The following NOVA1 variants were observed in gnomAD, a reference collection of about 807,000 sequenced individuals.
NOVA1 encodes the protein NOVA alternative splicing regulator 1, also known as RNA-binding protein Nova-1.
A neutral mutation model predicts 38.0 loss-of-function variants in NOVA1; 7 were observed. The observed-to-expected ratio is 0.18, with a 90% CI of 0.10 to 0.35. The LOEUF (loss-of-function observed/expected upper bound fraction) is 0.35, where lower values mean the gene tolerates loss of function less well. Ranked by LOEUF, NOVA1 falls within the 10% of genes least tolerant of loss-of-function variation. The pLI is 1.00. For missense variants in NOVA1, 460 were observed against 616.0 expected (o/e 0.75, Z 2.68); for synonymous variants, 270 against 232.5 (o/e 1.16, Z -1.47).
chr14:26,568,098 A>G (rs899503206), intron 2 of NOVA1, among the ~76,000 whole-genome samples: 1 of 152,316 alleles, frequency 6.6e-6, no homozygotes, highest in African/African-American at 2.4e-5. Context: ...TATTAAGATA[A>G]TAAGAGAGAT....
chr14:26,546,508 T>G (rs781179477), intron 2 of NOVA1, among the ~76,000 whole-genome samples: 2 of 152,212 alleles, frequency 1.3e-5, no homozygotes, highest in Non-Finnish European at 2.9e-5. Context: ...ACTAAAATTC[T>G]ACTTTAAAAT....
chr14:26,583,881 TCACACACA>T (rs36218600), intron 2 of NOVA1, among the ~76,000 whole-genome samples: 8,684 of 145,948 alleles, frequency 0.06, 288 homozygotes, highest in African/African-American at 0.077. Context: ...AGCATCAAAT[TCACACACA>T]CACACACACA....
chr14:26,595,601 T>C (rs1239070745), intron 1 of NOVA1, 48 bp from the exon 2 acceptor site: 2 of 1,552,314 alleles, frequency 1.3e-6, no homozygotes. Context: ...ATTTCAAACT[T>C]TGTATCCCCT....
chr14:26,516,906 CTTT>C (rs1179556122), intron 2 of NOVA1, among the ~76,000 whole-genome samples: 3 of 135,610 alleles, frequency 2.2e-5, no homozygotes, highest in Admixed American at 7.7e-5. Context: ...GACTTTGCCT[CTTT>C]TTTTTTTTTT....
At chr14:26,538,355 G>C (rs1280501086) in intron 2 of NOVA1, among the ~76,000 whole-genome samples, 1 of 152,036 alleles carries the variant, frequency 6.6e-6, no homozygotes, top group Non-Finnish European at 1.5e-5. Context: ...CAATGGCAGA[G>C]AGGTGAGAAA....
At chr14:26,460,489 A>G (rs1883565054) in intron 4 of NOVA1, among the ~76,000 whole-genome samples, 1 of 152,074 alleles carries the variant, frequency 6.6e-6, no homozygotes. Context: ...ATTTGAAGCC[A>G]GGTAATAAAA....
At position 26,512,192 on chromosome 14, in the gene NOVA1, A is replaced by G. The variant is rs1183427563; in HGVS notation, c.281-32049T>C. ...TGAAAAGCTATATATTTATTCCTGA[A>G]TTACTCAAAAATATTTAATTAAGAC... On this transcript the variant is annotated intron_variant, in intron 2 of 4. Coordinates refer to ENST00000539517, the MANE Select transcript of NOVA1 (RefSeq NM_002515.3). 2.6e-5 allele frequency among the ~76,000 whole-genome samples: 4 copies of G among 152,216 alleles called. No homozygotes were observed. The South Asian group carries it at 8.3e-4, about 31-fold the overall frequency.
intron 2 of NOVA1, among the ~76,000 whole-genome samples, chr14:26,525,456 G>A (rs1889229473): frequency 6.6e-6 from 1 of 152,090 alleles, no homozygotes; most frequent in Non-Finnish European, 1.5e-5. Context: ...AAGAACCTGT[G>A]ACAGTCTTAG....
intron 2 of NOVA1, chr14:26,592,864 G>C (rs1342780120): frequency 2.0e-5 from 3 of 151,558 alleles, no homozygotes; most frequent in Non-Finnish European, 4.4e-5. Flanking sequence ...CCTGAAGAAA[G>C]TTTCCGAAAA....
chr14:26,507,828 C>A (rs931778868), intron 2 of NOVA1, among the ~76,000 whole-genome samples: 2 of 151,904 alleles, frequency 1.3e-5, no homozygotes, highest in Non-Finnish European at 2.9e-5. Context: ...TCTTAAAAAA[C>A]CACTCAAAAC....
intron 2 of NOVA1, among the ~76,000 whole-genome samples, chr14:26,582,792 TAA>T (rs933822860): frequency 7.3e-5 from 11 of 151,716 alleles, no homozygotes; most frequent in African/African-American, 2.7e-4. Context: ...AGGTTTTGAG[TAA>T]AGAGTCCATC....
At chr14:26,496,340 G>T in intron 2 of NOVA1, among the ~76,000 whole-genome samples, 1 of 152,048 alleles carries the variant, frequency 6.6e-6, no homozygotes, top group Non-Finnish European at 1.5e-5. Flanking sequence ...TTTTTGATGG[G>T]GTTGTTTTTT....
intron 2 of NOVA1, among the ~76,000 whole-genome samples, chr14:26,522,408 G>A (rs1440843295): frequency 6.6e-6 from 1 of 152,118 alleles, no homozygotes; most frequent in African/African-American, 2.4e-5. Flanking sequence ...AACAGGAAGT[G>A]TAACCTGTGA....
chr14:26,597,185 G>T, intron 1 of NOVA1, 116 bp downstream of exon 1: 1 of 1,127,842 alleles, frequency 8.9e-7, no homozygotes, highest in Non-Finnish European at 1.1e-6. Context: ...GTTCGGGCTG[G>T]AGGTGTCCGG....
At chr14:26,455,725 T>C (rs1400345441) in intron 4 of NOVA1, among the ~76,000 whole-genome samples, 1 of 151,944 alleles carries the variant, frequency 6.6e-6, no homozygotes, top group Non-Finnish European at 1.5e-5. Context: ...CTATGCTTTC[T>C]AGGTGAAGGA....
At chr14:26,574,376 A>C (rs1269356777) in intron 2 of NOVA1, among the ~76,000 whole-genome samples, 1 of 151,448 alleles carries the variant, frequency 6.6e-6, no homozygotes, top group African/African-American at 2.4e-5. Flanking sequence ...AATAGAAACG[A>C]GTATCATAAA....
intron 2 of NOVA1, among the ~76,000 whole-genome samples, chr14:26,585,661 C>A (rs888580324): frequency 6.6e-6 from 1 of 151,066 alleles, no homozygotes; most frequent in Non-Finnish European, 1.5e-5. Flanking sequence ...TTTTAATATA[C>A]TTTATTAATA....
At chr14:26,570,302 G>A (rs951754040) in intron 2 of NOVA1, among the ~76,000 whole-genome samples, 6 of 151,844 alleles carry the variant, frequency 4.0e-5, no homozygotes, top group African/African-American at 7.3e-5. Flanking sequence ...AGCCATGATC[G>A]CGCCACTGCA....
At chr14:26,527,253 T>C (rs868684159) in intron 2 of NOVA1, among the ~76,000 whole-genome samples, 4 of 148,102 alleles carry the variant, frequency 2.7e-5, no homozygotes, top group Middle Eastern at 3.5e-3. Flanking sequence ...AGTGGGACAA[T>C]TTAGATGACC....
Sources: allele counts gnomAD v4.1 joint callset (sites outside exome capture counted in the v4.1 genomes callset), GRCh38; gene constraint gnomAD v4.1.1; transcripts MANE v1.5; gene names NCBI Gene and HGNC (gene_info 2026-07-23, HGNC 2026-07-21).